The following VPS37A variants were observed in gnomAD, a reference collection of about 807,000 sequenced individuals.
The protein encoded by VPS37A is vacuolar protein sorting-associated protein 37A.
A neutral mutation model predicts 49.8 loss-of-function variants in VPS37A; 30 were observed. The observed-to-expected ratio is 0.60, with a 90% CI of 0.45 to 0.82. VPS37A has a LOEUF of 0.82. Among genes scored for constraint, VPS37A ranks in the 40% least tolerant of loss-of-function variants. VPS37A has a pLI of 0.00. For missense variants in VPS37A, 593 were observed against 464.4 expected (o/e 1.28, Z -2.55); for synonymous variants, 195 against 160.6 (o/e 1.21, Z -1.62).
At chr8:17,325,084 G>A in the VPS37A span, among the ~76,000 whole-genome samples, 1 of 151,946 alleles carries the variant, frequency 6.6e-6, no homozygotes, top group Non-Finnish European at 1.5e-5. Context: ...ATAAAGACAT[G>A]AGGTACGGAA....
intron 10 of VPS37A, among the ~76,000 whole-genome samples, chr8:17,285,722 T>G (rs181533803): frequency 6.6e-6 from 1 of 152,336 alleles, no homozygotes; most frequent in East Asian, 1.9e-4. Context: ...TTCTGCTCCA[T>G]TATTCTTCAA....
rs945589589 is a variant in VPS37A at position 17,295,502 on chromosome 8, A to T, written c.*516A>T. On this transcript the variant is annotated 3_prime_UTR_variant, in exon 12 of 12. Coordinates refer to ENST00000324849, the MANE Select transcript of VPS37A (RefSeq NM_152415.3). ...GTGTTAGGAAACACCAAACCTGCCT[A>T]TGTGCCATCTCACAAAAGAAACTTT... 1.3e-5 allele frequency: 2 copies of T among 152,614 alleles called. No homozygotes were observed. The highest frequency in any genetic ancestry group is 4.8e-5 in the African/African-American group (2 of 41,462). 9.5% of individuals were successfully genotyped at this position (152,614 alleles called of 1,614,324 possible). A position where few individuals can be genotyped will look rare whatever the true frequency, so the allele number is the denominator to read the frequency against.
At chr8:17,260,431 ATTG>A (rs1332924428) in intron 1 of VPS37A, among the ~76,000 whole-genome samples, 1 of 152,032 alleles carries the variant, frequency 6.6e-6, no homozygotes, top group Non-Finnish European at 1.5e-5. Context: ...GGTTGTAGCT[ATTG>A]TTGTTTTTGA....
chr8:17,247,435 C>G (rs1048969050), intron 1 of VPS37A, 66 bp downstream of exon 1: 1 of 1,515,296 alleles, frequency 6.6e-7, no homozygotes, highest in Non-Finnish European at 8.8e-7. Flanking sequence ...GTCCTAACCA[C>G]CCTCACAGCG....
downstream of VPS37A, chr8:17,300,154 T>C: frequency 1.9e-6 from 3 of 1,614,180 alleles, no homozygotes; most frequent in Non-Finnish European, 2.5e-6. Context: ...CCCTGAGTGC[T>C]TGCTGGGCTC....
At chr8:17,312,475 TGA>T in the VPS37A span, among the ~76,000 whole-genome samples, 1 of 148,582 alleles carries the variant, frequency 6.7e-6, no homozygotes, top group Non-Finnish European at 1.5e-5. Flanking sequence ...CTTGGGAGGC[TGA>T]GACAGAAGAA....
At chr8:17,250,466 A>T (rs2150342745) in intron 1 of VPS37A, among the ~76,000 whole-genome samples, 1 of 152,350 alleles carries the variant, frequency 6.6e-6, no homozygotes, top group East Asian at 1.9e-4. Flanking sequence ...TTGTTACATG[A>T]GGAATATCAA....
chr8:17,289,539 G>T (rs1281707840), intron 11 of VPS37A, among the ~76,000 whole-genome samples: 1 of 152,134 alleles, frequency 6.6e-6, no homozygotes, highest in African/African-American at 2.4e-5. Context: ...TGAGGCCTCT[G>T]TTCTGTTCCA....
intron 11 of VPS37A, among the ~76,000 whole-genome samples, chr8:17,293,230 G>A (rs1198334064): frequency 6.6e-6 from 1 of 150,790 alleles, no homozygotes; most frequent in Non-Finnish European, 1.5e-5. Flanking sequence ...CCTTTCTTCT[G>A]CTTGATCGAT....
At chr8:17,260,296 ATAACT>A (rs1200144009) in intron 1 of VPS37A, among the ~76,000 whole-genome samples, 1 of 152,166 alleles carries the variant, frequency 6.6e-6, no homozygotes, top group Admixed American at 6.5e-5. Flanking sequence ...CAAAGAGACA[ATAACT>A]TAGATCACAA....
At chr8:17,293,909 C>T (rs186070005) in intron 11 of VPS37A, among the ~76,000 whole-genome samples, 26 of 152,316 alleles carry the variant, frequency 1.7e-4, no homozygotes, top group Middle Eastern at 3.4e-3. Context: ...GAGGTGTCTG[C>T]CTGTCAGGAG....
chr8:17,280,638 G>T (rs768565261), intron 9 of VPS37A, among the ~76,000 whole-genome samples, 195 bp downstream of exon 9: 3 of 151,884 alleles, frequency 2.0e-5, no homozygotes, highest in African/African-American at 4.8e-5. Flanking sequence ...ATATAAGAGC[G>T]TATTTGTTTC....
the VPS37A span, among the ~76,000 whole-genome samples, chr8:17,307,651 A>G: frequency 6.6e-6 from 1 of 152,214 alleles, no homozygotes; most frequent in South Asian, 2.1e-4. Context: ...GTCCAACAAC[A>G]ATAGCCTGGA....
At chr8:17,247,520 TCCTGCCC>T in intron 1 of VPS37A, 151 bp downstream of exon 1, 13 of 1,082,162 alleles carry the variant, frequency 1.2e-5, no homozygotes, top group Non-Finnish European at 1.7e-5. Flanking sequence ...GCTCTGCCAC[TCCTGCCC>T]CCTTTTACTG....
chr8:17,304,652 G>A (rs987905250), downstream of VPS37A: 2 of 857,176 alleles, frequency 2.3e-6, no homozygotes, highest in Non-Finnish European at 1.8e-6. Flanking sequence ...GCAGGTAAAT[G>A]TATCATCTTG....
At chr8:17,278,989 C>T (rs1246615848) in intron 6 of VPS37A, among the ~76,000 whole-genome samples, 1 of 152,090 alleles carries the variant, frequency 6.6e-6, no homozygotes, top group Non-Finnish European at 1.5e-5. Flanking sequence ...TTTCACCCTA[C>T]AGATACCCAT....
chr8:17,312,927 G>T, the VPS37A span, among the ~76,000 whole-genome samples: 1 of 152,154 alleles, frequency 6.6e-6, no homozygotes. Context: ...CATGACTTTT[G>T]CTTATGCCAT....
intron 2 of VPS37A, among the ~76,000 whole-genome samples, chr8:17,268,008 A>G (rs1813627572): frequency 6.6e-6 from 1 of 152,214 alleles, no homozygotes; most frequent in Admixed American, 6.5e-5. Flanking sequence ...CATGATGTGA[A>G]GAATATTCTA....
At chr8:17,305,680 A>G, downstream of VPS37A, 1 of 1,322,800 alleles carries the variant, frequency 7.6e-7, no homozygotes, top group Non-Finnish European at 1.1e-6. Flanking sequence ...CTTCAAAATT[A>G]TGAAAGGCCA....
Sources: allele counts gnomAD v4.1 joint callset (sites outside exome capture counted in the v4.1 genomes callset), GRCh38; gene constraint gnomAD v4.1.1; transcripts MANE v1.5; gene names NCBI Gene and HGNC (gene_info 2026-07-23, HGNC 2026-07-21).